CHAD: variants seen among roughly 807,000 people sequenced by gnomAD.
The protein encoded by CHAD is chondroadherin.
A neutral mutation model predicts 24.0 loss-of-function variants in CHAD; 18 were observed. The observed-to-expected ratio is 0.75, with a 90% CI of 0.52 to 1.11. CHAD has a LOEUF of 1.11. Among genes scored for constraint, CHAD ranks in the 50% most tolerant of loss-of-function variants. CHAD has a pLI of 0.00. For synonymous variants in CHAD, 195 were observed against 211.6 expected, an observed-to-expected ratio of 0.92 and a Z score of 0.68; for missense variants, 440 against 467.2, an observed-to-expected ratio of 0.94 and a Z score of 0.54.
At chr17:50,466,627 C>A (rs2032748475) in intron 1 of CHAD, among the ~76,000 whole-genome samples, 1 of 152,178 alleles carries the variant, frequency 6.6e-6, no homozygotes, top group Admixed American at 6.5e-5. Context: ...GGCCCAGGCT[C>A]CCCACAGTCC....
chr17:50,468,268 C>G lies in CHAD; in HGVS notation c.546G>C (p.Ala182=), dbSNP rs371855831. 5.0e-6 allele frequency: 8 copies of G among 1,611,036 alleles called. No homozygotes were observed. The highest frequency in any genetic ancestry group is 6.8e-6 in the Non-Finnish European group (8 of 1,177,620). Residue 182 remains alanine, a synonymous_variant, in exon 1 of 4, where the codon GCG becomes GCC. Transcript: ENST00000508540. ...GGGCCCCGGGCTGCAGGGAGCTCAA[C>G]GCGTTTTCCGACAGGTAGAGCCAGC... ...DLRWLYLSEN[A]LSSLQPGALD...
intron 1 of CHAD, 79 bp from the exon 2 acceptor site, chr17:50,465,949 G>T: frequency 6.5e-7 from 1 of 1,538,928 alleles, no homozygotes; most frequent in Non-Finnish European, 8.9e-7. Flanking sequence ...CAGAGGGGCA[G>T]GATCCTTCCC....
chr17:50,465,504 A>G (rs1219705037), intron 2 of CHAD, 65 bp from the exon 3 acceptor site: 1 of 1,583,122 alleles, frequency 6.3e-7, no homozygotes, highest in African/African-American at 1.4e-5. Flanking sequence ...AAGGGCAGTG[A>G]ACTATGGGGC....
rs539784859 is a variant in CHAD at position 50,464,772 on chromosome 17, G to C, written c.*282C>G. 864 of 329,954 alleles carry C rather than the reference G, an allele frequency of 2.6e-3. 61 individuals are homozygous for C. Among genetic ancestry groups the C allele is most frequent in the South Asian group, 6.3e-3 (283 of 45,194 alleles). The allele number at this position is 329,954 out of a possible 1,614,324, so 20.4% of individuals were successfully genotyped here. On this transcript the variant is annotated 3_prime_UTR_variant, in exon 4 of 4. Transcript: ENST00000508540. The stretch of plus-strand genomic sequence containing the variant: ...CCTGTTGTGGTTCTGATTGACTTGG[G>C]GGGGGGGTCTCAGCAACAGCTTCTC...
chr17:50,467,645 CA>C (rs2032822840), intron 1 of CHAD, among the ~76,000 whole-genome samples: 1 of 152,150 alleles, frequency 6.6e-6, no homozygotes, highest in Non-Finnish European at 1.5e-5. Flanking sequence ...CCTCAATAAA[CA>C]AACCTTCCTT....
rs1379978892 is a variant in CHAD at position 50,464,563 on chromosome 17, A to G, written c.*491T>C. On this transcript the variant is annotated 3_prime_UTR_variant, in exon 4 of 4. Transcript: ENST00000508540. Reference sequence around the variant, plus strand: ...GAAATTGCAGCATGGGAAGATGGACAGCAAAGCACCGATGTCCTGCTAGAA... The same window carrying G: ...GAAATTGCAGCATGGGAAGATGGACGGCAAAGCACCGATGTCCTGCTAGAA... The G allele has an allele frequency of 1.6e-6, 1 of 610,054 alleles. No individual in the cohort carries two copies. The highest frequency in any genetic ancestry group is 3.1e-6 in the Non-Finnish European group (1 of 327,430). 37.8% of individuals were successfully genotyped at this position (610,054 alleles called of 1,614,324 possible).
At position 50,464,773 on chromosome 17, in the gene CHAD, G is replaced by GGT; in HGVS notation, c.*280_*281insAC. 6.0e-6 allele frequency: 2 copies of GGT among 333,604 alleles called. 1 individual carries two copies. Among genetic ancestry groups the GGT allele is most frequent in the Non-Finnish European group, 1.2e-5 (2 of 169,898 alleles). The allele number at this position is 333,604 out of a possible 1,614,324, so 20.7% of individuals were successfully genotyped here. On this transcript the variant is annotated 3_prime_UTR_variant, in exon 4 of 4. Transcript: ENST00000508540. The stretch of plus-strand genomic sequence containing the variant: ...CTGTTGTGGTTCTGATTGACTTGGG[G>GGT]GGGGGGTCTCAGCAACAGCTTCTCC...
Position 50,468,586 on chromosome 17 carries a change from G to T in CHAD, c.228C>A (p.Asn76Lys). 1.2e-6 allele frequency: 2 copies of T among 1,614,200 alleles called. No homozygotes were observed. Among genetic ancestry groups the T allele is most frequent in the Non-Finnish European group, 1.7e-6 (2 of 1,179,988 alleles). ...AGTGCTGCAGGTGCAATGACACGAG[G>T]TTCGGCATGGCCCGGAACGAATTGG... ...LAANSFRAMP[N>K]LVSLHLQHCQ... Residue 76 changes from asparagine (N) to lysine (K), a missense_variant, in exon 1 of 4, where the codon AAC (asparagine) becomes AAA (lysine). By Grantham distance (94) the Asn-to-Lys change is moderately conservative. Transcript: ENST00000508540.
Position 50,468,852 on chromosome 17 carries a change from G to C in CHAD, c.-39C>G. ...GGGGCCGGGGCTGGGGGCAGCAGCG[G>C]CGGCGGGGCGCGGGCAGCGGCGAGT... On this transcript the variant is annotated 5_prime_UTR_variant, in exon 1 of 4. Coordinates refer to ENST00000508540, the MANE Select transcript of CHAD (RefSeq NM_001267.3). 1.4e-6 allele frequency: 2 copies of C among 1,450,584 alleles called. No homozygotes were observed. The highest frequency in any genetic ancestry group is 2.9e-5 in the South Asian group (2 of 68,896). 89.9% of individuals were successfully genotyped at this position (1,450,584 alleles called of 1,614,324 possible).
rs767299042 is a variant in CHAD at position 50,464,892 on chromosome 17, G to A, written c.*162C>T. 4 of 348,196 alleles carry A rather than the reference G, an allele frequency of 1.1e-5. No homozygotes were observed. Among genetic ancestry groups the A allele is most frequent in the African/African-American group, 8.5e-5 (4 of 46,786 alleles). The allele number at this position is 348,196 out of a possible 1,614,324, so 21.6% of individuals were successfully genotyped here. ...ACTGCTGGGTGGAGCTGGGTTGGTAGTGGAGTGCCCGAGGCCCCCTGCCAG... is the reference window on the plus strand; with the variant it reads ...ACTGCTGGGTGGAGCTGGGTTGGTAATGGAGTGCCCGAGGCCCCCTGCCAG... On this transcript the variant is annotated 3_prime_UTR_variant, in exon 4 of 4. Coordinates refer to ENST00000508540, the MANE Select transcript of CHAD (RefSeq NM_001267.3).
chr17:50,465,148 C>G (rs1280999324), intron 3 of CHAD, 99 bp from the exon 4 acceptor site: 1 of 886,776 alleles, frequency 1.1e-6, no homozygotes. Context: ...CTCCCTTCAA[C>G]AGGGGACCCA....
chr17:50,465,598 C>T (rs1221060180), intron 2 of CHAD, 109 bp downstream of exon 2: 15 of 1,487,884 alleles, frequency 1.0e-5, no homozygotes, highest in Non-Finnish European at 1.2e-5. Flanking sequence ...GGGTCCCATG[C>T]TTATTAGGTA....
At position 50,464,778 on chromosome 17, in the gene CHAD, G is replaced by GGC; in HGVS notation, c.*275_*276insGC. 1 of 318,912 alleles carries GGC rather than the reference G, an allele frequency of 3.1e-6. No individual in the cohort carries two copies. The highest frequency in any genetic ancestry group is 2.4e-5 in the South Asian group (1 of 41,814). 19.8% of individuals were successfully genotyped at this position (318,912 alleles called of 1,614,324 possible). ...GTGGTTCTGATTGACTTGGGGGGGG[G>GGC]GTCTCAGCAACAGCTTCTCCAAGAG... On this transcript the variant is annotated 3_prime_UTR_variant, in exon 4 of 4. Coordinates refer to ENST00000508540, the MANE Select transcript of CHAD (RefSeq NM_001267.3).
chr17:50,468,590 G>A lies in CHAD; in HGVS notation c.224C>T (p.Pro75Leu). 2 of 1,614,156 alleles carry A rather than the reference G, an allele frequency of 1.2e-6. No homozygotes were observed. The highest frequency in any genetic ancestry group is 1.7e-6 in the Non-Finnish European group (2 of 1,179,974). Reference sequence around the variant, plus strand: ...CTGCAGGTGCAATGACACGAGGTTCGGCATGGCCCGGAACGAATTGGCAGC... The same window carrying A: ...CTGCAGGTGCAATGACACGAGGTTCAGCATGGCCCGGAACGAATTGGCAGC... Reference protein sequence around the residue: ...VLAANSFRAMPNLVSLHLQHC... With the variant: ...VLAANSFRAMLNLVSLHLQHC... The change falls in exon 1 of 4, where the codon CCG becomes CTG. Residue 75 changes from proline to leucine, a missense_variant. Coordinates refer to ENST00000508540, the MANE Select transcript of CHAD (RefSeq NM_001267.3).
chr17:50,468,326 C>G lies in CHAD; in HGVS notation c.488G>C (p.Arg163Pro). 6.2e-7 allele frequency: 1 copy of G among 1,614,128 alleles called. No individual in the cohort carries two copies. The highest frequency in any genetic ancestry group is 8.5e-7 in the Non-Finnish European group (1 of 1,179,986). ...CTTGGCTCCCTGGAAGGCGCCTGCGCGCAGCTCACGGATCTTGTTGTTGTT... is the reference window on the plus strand; with the variant it reads ...CTTGGCTCCCTGGAAGGCGCCTGCGGGCAGCTCACGGATCTTGTTGTTGTT... ...QLNNNKIREL[R>P]AGAFQGAKDL... Residue 163 changes from arginine to proline, a missense_variant, in exon 1 of 4, where the codon CGC becomes CCC. Arg to Pro is a moderately radical substitution (Grantham distance 103). Transcript: ENST00000508540.
intron 1 of CHAD, 102 bp downstream of exon 1, chr17:50,467,938 G>C (rs1219740105): frequency 3.1e-5 from 40 of 1,272,334 alleles, no homozygotes; most frequent in Non-Finnish European, 4.3e-5. Flanking sequence ...CAGAGGGACA[G>C]GGAACCTGGG....
At chr17:50,465,987 G>A in intron 1 of CHAD, 117 bp from the exon 2 acceptor site, 1 of 1,110,712 alleles carries the variant, frequency 9.0e-7, no homozygotes, top group Non-Finnish European at 1.3e-6. Flanking sequence ...ACTTTGAGGA[G>A]TTTCCCAGTT....
Position 50,464,772 on chromosome 17 carries a change from G to GC in CHAD, c.*281_*282insG, listed in dbSNP as rs1026070446. On this transcript the variant is annotated 3_prime_UTR_variant, in exon 4 of 4. Transcript: ENST00000508540. ...CCTGTTGTGGTTCTGATTGACTTGG[G>GC]GGGGGGGTCTCAGCAACAGCTTCTC... 2 of 329,874 alleles carry GC rather than the reference G, an allele frequency of 6.1e-6. No individual in the cohort carries two copies. Among genetic ancestry groups the GC allele is most frequent in the African/African-American group, 2.6e-5 (1 of 38,186 alleles). 20.4% of individuals were successfully genotyped at this position (329,874 alleles called of 1,614,324 possible). A position where few individuals can be genotyped will look rare whatever the true frequency, so the allele number is the denominator to read the frequency against.
Position 50,468,560 on chromosome 17 carries a change from C to G in CHAD, c.254G>C (p.Cys85Ser), listed in dbSNP as rs1382533968. 1.9e-6 allele frequency: 3 copies of G among 1,614,252 alleles called. No homozygotes were observed. In the South Asian group the frequency reaches 3.3e-5, roughly 18 times the overall value. The change falls in exon 1 of 4, where the codon TGC becomes TCC. Residue 85 changes from cysteine to serine, a missense_variant. Physicochemically the swap from Cys to Ser is moderately radical, Grantham distance 112. Coordinates refer to ENST00000508540, the MANE Select transcript of CHAD (RefSeq NM_001267.3). Reference sequence around the variant, plus strand: ...ACCGGCGGCCACCTCGCGGATCTGGCAGTGCTGCAGGTGCAATGACACGAG... The same window carrying G: ...ACCGGCGGCCACCTCGCGGATCTGGGAGTGCTGCAGGTGCAATGACACGAG... The part of the protein sequence containing the change: ...PNLVSLHLQH[C>S]QIREVAAGAF...
Sources: gnomAD v4.1 joint callset for allele counts (sites outside exome capture counted in the v4.1 genomes callset) on GRCh38, gnomAD v4.1.1 for gene constraint, MANE v1.5 for transcripts, NCBI Gene and HGNC (gene_info 2026-07-23, HGNC 2026-07-21) for gene names.